Variants in SLC4A4 observed in about 807,000 individuals in gnomAD.
SLC4A4 encodes the protein solute carrier family 4 member 4, also known as electrogenic sodium bicarbonate cotransporter 1.
In SLC4A4, 27 loss-of-function variants were observed where a neutral mutation model predicts 111.5. The observed-to-expected ratio is 0.24, with a 90% CI of 0.18 to 0.33. The LOEUF (loss-of-function observed/expected upper bound fraction) is 0.33, where lower values mean the gene tolerates loss of function less well. SLC4A4 is among the 10% of genes least tolerant of loss of function. SLC4A4 has a pLI of 1.00. For missense variants in SLC4A4, 909 were observed against 1,315.5 expected, an observed-to-expected ratio of 0.69 and a Z score of 4.78; for synonymous variants, 443 against 463.4, an observed-to-expected ratio of 0.96 and a Z score of 0.57.
At chr4:71,414,818 C>T (rs762212610) in intron 7 of SLC4A4, among the ~76,000 whole-genome samples, 28 of 152,094 alleles carry the variant, frequency 1.8e-4, no homozygotes, top group Non-Finnish European at 3.5e-4. Flanking sequence ...TGTTTAGCAT[C>T]TCTTTTTTGG....
At chr4:71,340,720 C>G (rs1728843106) in intron 4 of SLC4A4, among the ~76,000 whole-genome samples, 1 of 152,066 alleles carries the variant, frequency 6.6e-6, no homozygotes, top group Admixed American at 6.5e-5. Context: ...ACTCGATTTC[C>G]TAGAGCTTTG....
intron 3 of SLC4A4, among the ~76,000 whole-genome samples, chr4:71,328,459 TTTTCTC>T (rs1727680279): frequency 6.6e-6 from 1 of 152,198 alleles, no homozygotes; most frequent in Admixed American, 6.5e-5. Context: ...GAGCGTTCCC[TTTTCTC>T]CACATCCTTG....
intron 3 of SLC4A4, among the ~76,000 whole-genome samples, chr4:71,328,349 C>A (rs1003088811): frequency 6.6e-6 from 1 of 152,050 alleles, no homozygotes; most frequent in Non-Finnish European, 1.5e-5. Context: ...ATATACCTAG[C>A]GGTGGGATTG....
intron 3 of SLC4A4, among the ~76,000 whole-genome samples, chr4:71,301,399 G>A (rs1578787732): frequency 1.3e-5 from 2 of 152,146 alleles, no homozygotes; most frequent in South Asian, 4.1e-4. Context: ...CCACAGTCTT[G>A]GGGCCAGTCT....
At chr4:71,541,072 C>T (rs1269384564) in intron 18 of SLC4A4, among the ~76,000 whole-genome samples, 1 of 152,064 alleles carries the variant, frequency 6.6e-6, no homozygotes, top group East Asian at 1.9e-4. Context: ...GCATTTACAC[C>T]CTCCAGCTGT....
intron 1 of SLC4A4, among the ~76,000 whole-genome samples, chr4:71,077,522 G>A (rs1741868562): frequency 6.6e-6 from 1 of 152,120 alleles, no homozygotes; most frequent in Non-Finnish European, 1.5e-5. Context: ...TCTGTGTTAG[G>A]TAGACAAAGA....
intron 6 of SLC4A4, among the ~76,000 whole-genome samples, chr4:71,392,883 A>G (rs1462040550): frequency 6.6e-6 from 1 of 152,110 alleles, no homozygotes; most frequent in Non-Finnish European, 1.5e-5. Context: ...TAAATGTGAT[A>G]CAGCATATAA....
At chr4:71,101,580 G>A (rs937275808) in intron 2 of SLC4A4, among the ~76,000 whole-genome samples, 4 of 152,140 alleles carry the variant, frequency 2.6e-5, no homozygotes, top group Non-Finnish European at 4.4e-5. Flanking sequence ...ATCTGAGAAC[G>A]GGCAGACTGC....
intron 2 of SLC4A4, among the ~76,000 whole-genome samples, chr4:71,130,237 T>A (rs1466075078): frequency 6.6e-6 from 1 of 152,110 alleles, no homozygotes; most frequent in Non-Finnish European, 1.5e-5. Flanking sequence ...GTTAATTATT[T>A]TTTTTTTTAA....
chr4:71,109,792 C>T (rs1198293572), intron 2 of SLC4A4, among the ~76,000 whole-genome samples: 1 of 152,216 alleles, frequency 6.6e-6, no homozygotes, highest in East Asian at 1.9e-4. Flanking sequence ...ATCTGTCGTC[C>T]TCGGCCTCCC....
intron 3 of SLC4A4, among the ~76,000 whole-genome samples, chr4:71,335,342 T>C (rs1728345602): frequency 6.6e-6 from 1 of 152,210 alleles, no homozygotes; most frequent in Non-Finnish European, 1.5e-5. Flanking sequence ...GTGACTAAAC[T>C]TTTGGTAATG....
chr4:71,318,660 T>C (rs949334078), intron 3 of SLC4A4, among the ~76,000 whole-genome samples: 2 of 151,992 alleles, frequency 1.3e-5, no homozygotes, highest in Admixed American at 6.6e-5. Context: ...TGTTTTAAAG[T>C]AGGATTAGGT....
chr4:71,324,382 A>G (rs1290388630), intron 3 of SLC4A4, among the ~76,000 whole-genome samples: 1 of 152,008 alleles, frequency 6.6e-6, no homozygotes, highest in Non-Finnish European at 1.5e-5. Flanking sequence ...TATTAATAAT[A>G]TGCTTAATAT....
chr4:71,102,640 T>G (rs1742788288), intron 2 of SLC4A4, among the ~76,000 whole-genome samples: 1 of 151,042 alleles, frequency 6.6e-6, no homozygotes, highest in South Asian at 2.1e-4. Flanking sequence ...AAAAGAATTT[T>G]CAACCCAGAA....
chr4:71,498,018 A>C (rs1730571306), intron 16 of SLC4A4, among the ~76,000 whole-genome samples: 1 of 152,198 alleles, frequency 6.6e-6, no homozygotes, highest in Non-Finnish European at 1.5e-5. Context: ...ATTGTGTTTA[A>C]GTACATAATC....
At chr4:71,315,298 C>G (rs1313216463) in intron 3 of SLC4A4, among the ~76,000 whole-genome samples, 2 of 152,100 alleles carry the variant, frequency 1.3e-5, no homozygotes, top group East Asian at 1.9e-4. Context: ...GTTTACAGCC[C>G]ACCTAGGTTT....
At chr4:71,403,877 T>G (rs1227554840) in intron 7 of SLC4A4, among the ~76,000 whole-genome samples, 1 of 152,166 alleles carries the variant, frequency 6.6e-6, no homozygotes, top group Non-Finnish European at 1.5e-5. Context: ...TATTCCTATA[T>G]TAAGTATTGT....
intron 21 of SLC4A4, among the ~76,000 whole-genome samples, chr4:71,557,061 C>G (rs1293816649): frequency 6.6e-6 from 1 of 151,880 alleles, no homozygotes; most frequent in Non-Finnish European, 1.5e-5. Flanking sequence ...TATACATCAC[C>G]ATACGATAGC....
At chr4:71,343,923 C>A (rs941802522) in intron 4 of SLC4A4, among the ~76,000 whole-genome samples, 3 of 151,858 alleles carry the variant, frequency 2.0e-5, no homozygotes, top group Non-Finnish European at 4.4e-5. Context: ...TCCCTGAACC[C>A]CCACAGTTAT....
Sources: gnomAD v4.1 joint callset for allele counts (sites outside exome capture counted in the v4.1 genomes callset) on GRCh38, gnomAD v4.1.1 for gene constraint, MANE v1.5 for transcripts, NCBI Gene and HGNC (gene_info 2026-07-23, HGNC 2026-07-21) for gene names.